Variants in ADGRL4 observed in about 807,000 individuals in gnomAD.
ADGRL4 encodes the protein adhesion G protein-coupled receptor L4, also known as EGF, latrophilin and seven transmembrane domain containing 1.
In ADGRL4, 90 loss-of-function variants were observed where a neutral mutation model predicts 74.8. That is an observed-to-expected ratio of 1.20 (90% CI 1.02 to 1.43). ADGRL4 has a LOEUF of 1.43. ADGRL4 is among the 40% of genes most tolerant of loss of function. The pLI, the probability that ADGRL4 is intolerant of heterozygous loss-of-function variation, is 0.00. For synonymous variants in ADGRL4, 311 were observed against 279.2 expected (o/e 1.11, Z -1.14); for missense variants, 881 against 814.3 (o/e 1.08, Z -1.00).
At chr1:78,911,816 T>G (rs567993878) in intron 12 of ADGRL4, among the ~76,000 whole-genome samples, 21 of 151,998 alleles carry the variant, frequency 1.4e-4, no homozygotes, top group Non-Finnish European at 2.7e-4. Context: ...TAAGTTAAAG[T>G]TGTTATTGCT....
At chr1:78,953,017 T>C (rs1649760639) in intron 2 of ADGRL4, among the ~76,000 whole-genome samples, 1 of 152,182 alleles carries the variant, frequency 6.6e-6, no homozygotes, top group Admixed American at 6.6e-5. Flanking sequence ...TTTATATTAT[T>C]ATCATTTTTT....
chr1:78,911,427 G>A (rs1648759598), intron 12 of ADGRL4, among the ~76,000 whole-genome samples: 1 of 151,660 alleles, frequency 6.6e-6, no homozygotes. Context: ...TATTTATTCT[G>A]TTAAGTTTCT....
chr1:78,930,033 A>G (rs757664126), intron 7 of ADGRL4, among the ~76,000 whole-genome samples: 2 of 151,432 alleles, frequency 1.3e-5, no homozygotes, highest in Non-Finnish European at 2.9e-5. Context: ...CAAGGTTTCA[A>G]TGGGAGCATG....
Position 78,916,995 on chromosome 1 carries a change from A to G in ADGRL4, c.1749+639T>C, listed in dbSNP as rs180875183. 6.6e-3 allele frequency among the ~76,000 whole-genome samples: 1,001 copies of G among 152,008 alleles called. 15 individuals carry two copies. The highest frequency in any genetic ancestry group is 0.014 in the Middle Eastern group (4 of 294). ...ATTTGTAGGTTTGAAACCACTTCCA[A>G]TAAGAATTAAAAGGCCCTCTTCCAT... On this transcript the variant is annotated intron_variant, in intron 12 of 14. Transcript: ENST00000370742.
chr1:78,974,040 C>T (rs552023913), intron 2 of ADGRL4, among the ~76,000 whole-genome samples: 127 of 152,244 alleles, frequency 8.3e-4, no homozygotes, highest in African/African-American at 3.0e-3. Flanking sequence ...CACACACACA[C>T]CCCTCCCTCC....
chr1:78,912,386 G>A (rs959408784), intron 12 of ADGRL4, among the ~76,000 whole-genome samples: 2 of 151,802 alleles, frequency 1.3e-5, no homozygotes, highest in Non-Finnish European at 2.9e-5. Flanking sequence ...TTATGGTTTA[G>A]ACAAGGGATT....
chr1:78,947,030 A>T (rs1456927058), intron 2 of ADGRL4, among the ~76,000 whole-genome samples: 1 of 152,206 alleles, frequency 6.6e-6, no homozygotes, highest in Non-Finnish European at 1.5e-5. Context: ...ATAATTTATC[A>T]GGGAAGATAA....
Position 78,939,199 on chromosome 1 carries a change from T to A in ADGRL4, c.385A>T (p.Thr129Ser). The A allele has an allele frequency of 6.4e-7, 1 of 1,561,014 alleles. No individual in the cohort carries two copies. The highest frequency in any genetic ancestry group is 8.6e-7 in the Non-Finnish European group (1 of 1,158,708). ...ACTGTTCTACTTACTTTTGTTAAAG[T>A]TTTATTAATATTTGCAGCTATACAG... is the stretch of plus-strand genomic sequence containing the variant. ...NVCIAANINKTLTKIRSIKEP... is the reference protein window; with the variant it reads ...NVCIAANINKSLTKIRSIKEP... Residue 129 changes from threonine to serine, a missense_variant, in exon 4 of 15, where the codon ACT (threonine) becomes TCT (serine). Transcript: ENST00000370742.
intron 12 of ADGRL4, among the ~76,000 whole-genome samples, chr1:78,899,076 C>T (rs1310037189): frequency 2.0e-5 from 3 of 152,060 alleles, no homozygotes; most frequent in Non-Finnish European, 4.4e-5. Flanking sequence ...TGTTAGATCT[C>T]ATCGAAAAAA....
At chr1:78,957,577 T>C (rs1454044068) in intron 2 of ADGRL4, among the ~76,000 whole-genome samples, 1 of 152,134 alleles carries the variant, frequency 6.6e-6, no homozygotes, top group Non-Finnish European at 1.5e-5. Context: ...GTAACTCCCA[T>C]CAATTCCATA....
chr1:79,001,953 G>T (rs1306496230), intron 2 of ADGRL4, among the ~76,000 whole-genome samples: 1 of 151,918 alleles, frequency 6.6e-6, no homozygotes, highest in African/African-American at 2.4e-5. Context: ...TTAAAAAAAT[G>T]TTTGCATTAA....
chr1:78,947,644 A>G (rs1203027028), intron 2 of ADGRL4, among the ~76,000 whole-genome samples: 1 of 152,176 alleles, frequency 6.6e-6, no homozygotes, highest in African/African-American at 2.4e-5. Context: ...ACTGGAGAAT[A>G]TAGGATAGGT....
At chr1:79,004,704 T>C (rs1419704443) in intron 2 of ADGRL4, among the ~76,000 whole-genome samples, 2 of 152,144 alleles carry the variant, frequency 1.3e-5, no homozygotes, top group African/African-American at 2.4e-5. Context: ...AAAATACTTA[T>C]ATACTTGGTA....
At chr1:78,937,736 C>T (rs1649384325) in intron 6 of ADGRL4, 71 bp downstream of exon 6, 2 of 1,441,842 alleles carry the variant, frequency 1.4e-6, no homozygotes, top group Non-Finnish European at 1.9e-6. Context: ...TGCCTCCTAA[C>T]CCCACCCAAA....
intron 12 of ADGRL4, among the ~76,000 whole-genome samples, chr1:78,902,205 T>C (rs901382884): frequency 6.6e-6 from 1 of 152,152 alleles, no homozygotes; most frequent in Non-Finnish European, 1.5e-5. Context: ...GCATTCTGCA[T>C]GTACTTCAAA....
At chr1:78,894,265 A>G (rs1456392120) in intron 12 of ADGRL4, among the ~76,000 whole-genome samples, 6 of 152,006 alleles carry the variant, frequency 3.9e-5, no homozygotes, top group East Asian at 1.9e-4. Flanking sequence ...AAACAGCAGT[A>G]TAAAATAATG....
intron 2 of ADGRL4, among the ~76,000 whole-genome samples, chr1:78,980,021 C>G (rs1239463177): frequency 6.6e-6 from 1 of 151,768 alleles, no homozygotes; most frequent in African/African-American, 2.4e-5. Flanking sequence ...ACATCAGTGC[C>G]CCCCAAAACT....
intron 2 of ADGRL4, among the ~76,000 whole-genome samples, chr1:78,958,898 A>G (rs1268698004): frequency 6.6e-6 from 1 of 152,204 alleles, no homozygotes; most frequent in Non-Finnish European, 1.5e-5. Context: ...AAATTGTTGC[A>G]GTTACCACAG....
intron 7 of ADGRL4, among the ~76,000 whole-genome samples, chr1:78,927,451 T>A (rs1649142915): frequency 6.6e-6 from 1 of 152,242 alleles, no homozygotes; most frequent in African/African-American, 2.4e-5. Context: ...TGTCCTTGTA[T>A]AAATATATGA....
Sources: gnomAD v4.1 joint callset for allele counts (sites outside exome capture counted in the v4.1 genomes callset) on GRCh38, gnomAD v4.1.1 for gene constraint, MANE v1.5 for transcripts, NCBI Gene and HGNC (gene_info 2026-07-23, HGNC 2026-07-21) for gene names.